Variants in FBXO38 observed in about 807,000 individuals in gnomAD.
FBXO38 encodes the protein F-box protein 38, also known as F-box only protein 38.
A neutral mutation model predicts 131.9 loss-of-function variants in FBXO38; 53 were observed. The observed-to-expected ratio is 0.40, with a 90% CI of 0.32 to 0.51. The LOEUF (loss-of-function observed/expected upper bound fraction) is 0.51. FBXO38 is among the 20% of genes least tolerant of loss of function. The pLI, the probability that FBXO38 is intolerant of heterozygous loss-of-function variation, is 0.53. For missense variants in FBXO38, 1,076 were observed against 1,475.6 expected, an observed-to-expected ratio of 0.73 and a Z score of 4.44; for synonymous variants, 452 against 505.6, an observed-to-expected ratio of 0.89 and a Z score of 1.42.
At position 148,433,676 on chromosome 5, in the gene FBXO38, G is replaced by A. The variant is rs377018076; in HGVS notation, c.2796G>A (p.Met932Ile). 3.1e-6 allele frequency: 5 copies of A among 1,611,492 alleles called. No individual in the cohort carries two copies. In the African/African-American group the frequency reaches 5.3e-5, roughly 17 times the overall value. The change falls in exon 17 of 22, where the codon ATG (methionine) becomes ATA (isoleucine). Residue 932 changes from methionine to isoleucine, a missense_variant. By Grantham distance (10) the Met-to-Ile change is conservative (BLOSUM62 1). Around this residue, in one of 8 missense-constraint regions of FBXO38, gnomAD observed 282 missense variants for 418.8 expected, o/e 0.67. Coordinates refer to ENST00000340253, the MANE Select transcript of FBXO38 (RefSeq NM_205836.3). ...LKSKNLVGVT[M>I]TNCGITDLVL... ...CCAAGAATCTTGTTGGAGTCACTAT[G>A]ACCAATTGTGGAATCACAGATCTAG... is the stretch of plus-strand genomic sequence containing the variant.
intron 15 of FBXO38, among the ~76,000 whole-genome samples, chr5:148,433,051 C>T (rs1356760377): frequency 6.6e-6 from 1 of 152,178 alleles, no homozygotes; most frequent in African/African-American, 2.4e-5. Flanking sequence ...AAATGTGAAG[C>T]ATTGAAACAT....
intron 2 of FBXO38, among the ~76,000 whole-genome samples, chr5:148,396,605 T>G (rs1051522879): frequency 1.3e-5 from 2 of 152,154 alleles, no homozygotes; most frequent in Non-Finnish European, 2.9e-5. Flanking sequence ...TGGATAATGC[T>G]AGGATATATT....
chr5:148,402,023 C>G lies in FBXO38; in HGVS notation c.304C>G (p.Pro102Ala). 1 of 1,612,938 alleles carries G rather than the reference C, an allele frequency of 6.2e-7. No homozygotes were observed. The highest frequency in any genetic ancestry group is 8.5e-7 in the Non-Finnish European group (1 of 1,179,170). The change falls in exon 4 of 22, where the codon CCA (proline) becomes GCA (alanine). Residue 102 changes from proline (P) to alanine (A), a missense_variant. Pro to Ala is a conservative substitution (Grantham distance 27). Around this residue, in one of 8 missense-constraint regions of FBXO38, gnomAD observed 96 missense variants for 193.9 expected, o/e 0.50. Coordinates refer to ENST00000340253, the MANE Select transcript of FBXO38 (RefSeq NM_205836.3). Reference protein sequence around the residue: ...ASFLTLLKKMPDVEQLYGLHP... With the variant: ...ASFLTLLKKMADVEQLYGLHP... ...TTTTCTAACACTATTAAAGAAGATG[C>G]CAGATGTTGAACAGCTATATGGCCT...
chr5:148,416,924 G>A (rs1051381298), intron 11 of FBXO38, 70 bp from the exon 12 acceptor site: 7 of 838,794 alleles, frequency 8.3e-6, no homozygotes, highest in Admixed American at 1.9e-5. Context: ...GTGAAATGAA[G>A]GGATATTAAA....
At position 148,409,206 on chromosome 5, in the gene FBXO38, T is replaced by C. The variant is rs1752609779; in HGVS notation, c.951T>C (p.Thr317=). 6.3e-7 allele frequency: 1 copy of C among 1,598,084 alleles called. No individual in the cohort carries two copies. Among genetic ancestry groups the C allele is most frequent in the African/African-American group, 1.3e-5 (1 of 74,574 alleles). ...TAGATCTTGGTTACCTCATCATTAC[T>C]GCTGCCCGTAGGTATGTTTCCTCTT... is the stretch of plus-strand genomic sequence containing the variant. ...LEVDLGYLII[T]AARRLHEVRI... Residue 317 remains threonine (T), a synonymous_variant, in exon 8 of 22, where the codon ACT becomes ACC. Coordinates refer to ENST00000340253, the MANE Select transcript of FBXO38 (RefSeq NM_205836.3).
rs1189418136 is a variant in FBXO38, at chr5:148,442,733, A to G, written c.*586A>G. 2.0e-5 allele frequency: 3 copies of G among 152,210 alleles called. No individual in the cohort carries two copies. Among genetic ancestry groups the G allele is most frequent in the African/African-American group, 7.2e-5 (3 of 41,464 alleles). 9.4% of individuals were successfully genotyped at this position (152,210 alleles called of 1,614,324 possible). A position where few individuals can be genotyped will look rare whatever the true frequency, so the allele number is the denominator to read the frequency against. On this transcript the variant is annotated 3_prime_UTR_variant, in exon 22 of 22. Transcript: ENST00000340253. ...GAGCTTAAAAAAAAGTGAGTTTGAG[A>G]GGGAAATGGAAAAGTTTCCAGAGTA...
chr5:148,403,176 T>C (rs186726488), intron 5 of FBXO38, among the ~76,000 whole-genome samples: 18 of 152,232 alleles, frequency 1.2e-4, no homozygotes, highest in African/African-American at 3.8e-4. Context: ...TAATATAAGC[T>C]CCTTAAGGTC....
intron 6 of FBXO38, 71 bp from the exon 7 acceptor site, chr5:148,406,186 T>A: frequency 7.2e-7 from 1 of 1,386,176 alleles, no homozygotes; most frequent in Non-Finnish European, 9.7e-7. Context: ...GTTATACATG[T>A]CTTTCACTGA....
intron 3 of FBXO38, among the ~76,000 whole-genome samples, chr5:148,400,092 G>C (rs191517497): frequency 4.3e-4 from 65 of 151,810 alleles, no homozygotes; most frequent in Middle Eastern, 3.4e-3. Flanking sequence ...TTATCAGCTG[G>C]CCATAGTAGT....
chr5:148,413,555 CT>C (rs1752887838), intron 9 of FBXO38: 1 of 152,118 alleles, frequency 6.6e-6, no homozygotes, highest in Non-Finnish European at 1.5e-5. Flanking sequence ...AAGGATCCTC[CT>C]TTACTTATTC....
At chr5:148,408,333 T>C (rs1205203198) in intron 7 of FBXO38, among the ~76,000 whole-genome samples, 2 of 152,242 alleles carry the variant, frequency 1.3e-5, no homozygotes, top group Non-Finnish European at 2.9e-5. Flanking sequence ...TAGTATCTAC[T>C]AAAGTTGGTC....
At position 148,406,280 on chromosome 5, in the gene FBXO38, G is replaced by C; in HGVS notation, c.754G>C (p.Val252Leu). 2 of 1,577,216 alleles carry C rather than the reference G, an allele frequency of 1.3e-6. No individual in the cohort carries two copies. Among genetic ancestry groups the C allele is most frequent in the Non-Finnish European group, 1.7e-6 (2 of 1,164,818 alleles). Residue 252 changes from valine to leucine, a missense_variant, in exon 7 of 22, where the codon GTC becomes CTC. This residue lies in a region of FBXO38 where 66 missense variants were observed against 72.4 expected (regional missense o/e 0.91). Transcript: ENST00000340253. The stretch of plus-strand genomic sequence containing the variant: ...AGGACCCACAAATTCCTTGAAATAT[G>C]TCCCTTTAGTAACAGGCTTAGCCTC... ...CAGPTNSLKYVPLVTGLASAR... is the reference protein window; with the variant it reads ...CAGPTNSLKYLPLVTGLASAR...
At chr5:148,399,190 G>A in intron 3 of FBXO38, 58 bp downstream of exon 3, 1 of 1,580,352 alleles carries the variant, frequency 6.3e-7, no homozygotes, top group Non-Finnish European at 8.6e-7. Context: ...AGTAACAATG[G>A]TTTCATAAAA....
Position 148,410,706 on chromosome 5 carries a change from T to C in FBXO38, c.1034T>C (p.Leu345Ser). The C allele has an allele frequency of 1.2e-6, 2 of 1,614,026 alleles. No individual in the cohort carries two copies. The highest frequency in any genetic ancestry group is 1.7e-6 in the Non-Finnish European group (2 of 1,179,912). The change falls in exon 9 of 22, where the codon TTG becomes TCG. Residue 345 changes from leucine to serine, a missense_variant. Coordinates refer to ENST00000340253, the MANE Select transcript of FBXO38 (RefSeq NM_205836.3). ...TTTTCTGCCCTAAAGATGGCAGAGT[T>C]GGAGTTTCCCCAGTTTGAAACCCTT... ...GVFSALKMAE[L>S]EFPQFETLHL...
chr5:148,432,734 C>T (rs1420266682), intron 15 of FBXO38, among the ~76,000 whole-genome samples: 3 of 152,200 alleles, frequency 2.0e-5, no homozygotes, highest in Non-Finnish European at 2.9e-5. Flanking sequence ...TTGCTAGTGA[C>T]TGACATTGAA....
Position 148,440,413 on chromosome 5 carries a change from G to T in FBXO38, c.3171-11G>T, listed in dbSNP as rs1457450100. 4.5e-6 allele frequency: 7 copies of T among 1,551,980 alleles called. No homozygotes were observed. Among genetic ancestry groups the T allele is most frequent in the Non-Finnish European group, 5.3e-6 (6 of 1,130,184 alleles). On this transcript the variant is annotated splice_polypyrimidine_tract_variant and intron_variant, in intron 19 of 21. Transcript: ENST00000340253. ...TTGTAATTTTTACTTAATTTTTCCTGTTGCTTCCAGAGAGCTCATTAAATA... is the reference window on the plus strand; with the variant it reads ...TTGTAATTTTTACTTAATTTTTCCTTTTGCTTCCAGAGAGCTCATTAAATA...
At chr5:148,395,621 T>C (rs1187566631) in intron 2 of FBXO38, among the ~76,000 whole-genome samples, 2 of 152,128 alleles carry the variant, frequency 1.3e-5, no homozygotes, top group Non-Finnish European at 2.9e-5. Flanking sequence ...CTGGGTCTAT[T>C]ATTTGCTAGC....
chr5:148,400,643 A>G (rs993115931), intron 3 of FBXO38, among the ~76,000 whole-genome samples: 1 of 152,146 alleles, frequency 6.6e-6, no homozygotes, highest in Non-Finnish European at 1.5e-5. Context: ...GATCCTTTAT[A>G]TAATAGTACT....
chr5:148,395,145 T>G (rs570572677), intron 2 of FBXO38, among the ~76,000 whole-genome samples: 1 of 152,200 alleles, frequency 6.6e-6, no homozygotes, highest in Admixed American at 6.5e-5. Context: ...TTGTCACATA[T>G]AGTTCTGTTG....
Sources: allele counts gnomAD v4.1 joint callset (sites outside exome capture counted in the v4.1 genomes callset), GRCh38; gene constraint gnomAD v4.1.1; regional missense constraint gnomAD v4.1.1; transcripts MANE v1.5; gene names NCBI Gene and HGNC (gene_info 2026-07-23, HGNC 2026-07-21).